Variants in BBS9 observed in about 807,000 individuals in gnomAD.
The protein encoded by BBS9 is protein PTHB1.
A neutral mutation model predicts 117.7 loss-of-function variants in BBS9; 89 were observed. The ratio of observed to expected loss-of-function variants is 0.76; its 90% CI spans 0.64 to 0.90. The LOEUF is 0.90. BBS9 is among the 40% of genes least tolerant of loss of function. BBS9 has a pLI of 0.00. For missense variants in BBS9, 982 were observed against 1,042.2 expected (o/e 0.94, Z 0.80); for synonymous variants, 379 against 370.9 (o/e 1.02, Z -0.25).
At chr7:33,386,549 G>T (rs1400947915) in intron 18 of BBS9, among the ~76,000 whole-genome samples, 1 of 151,742 alleles carries the variant, frequency 6.6e-6, no homozygotes, top group Non-Finnish European at 1.5e-5. Context: ...GGGGTGCAGT[G>T]GCACGATCTC....
chr7:33,138,410 A>G (rs1790896240), intron 1 of BBS9, among the ~76,000 whole-genome samples: 1 of 151,294 alleles, frequency 6.6e-6, no homozygotes. Flanking sequence ...TATCAGTTAC[A>G]TCAGTGCCTC....
intron 21 of BBS9, among the ~76,000 whole-genome samples, chr7:33,539,154 G>A (rs1206797844): frequency 1.3e-5 from 2 of 152,168 alleles, no homozygotes; most frequent in East Asian, 1.9e-4. Context: ...AGATTATACA[G>A]GTGTGAGTTT....
chr7:33,545,281 G>A (rs572933345), intron 21 of BBS9, among the ~76,000 whole-genome samples: 3 of 152,208 alleles, frequency 2.0e-5, no homozygotes, highest in Admixed American at 1.3e-4. Flanking sequence ...TTCTCCCTGT[G>A]GAGTTTTACC....
intron 18 of BBS9, among the ~76,000 whole-genome samples, chr7:33,386,016 G>C (rs1825940062): frequency 6.6e-6 from 1 of 152,056 alleles, no homozygotes; most frequent in Non-Finnish European, 1.5e-5. Flanking sequence ...AGCATTAGGA[G>C]ATATACCTAA....
intron 21 of BBS9, among the ~76,000 whole-genome samples, chr7:33,583,595 A>G (rs1473578752): frequency 6.6e-6 from 1 of 152,118 alleles, no homozygotes; most frequent in Non-Finnish European, 1.5e-5. Flanking sequence ...CTGGTACAGG[A>G]GATACACAAA....
chr7:33,533,893 C>T, intron 20 of BBS9, 61 bp from the exon 21 acceptor site: 1 of 1,545,706 alleles, frequency 6.5e-7, no homozygotes, highest in Non-Finnish European at 8.9e-7. Flanking sequence ...TATAATACAT[C>T]AAGTGCCCAC....
chr7:33,233,740 A>AGG (rs754573170), intron 5 of BBS9, among the ~76,000 whole-genome samples: 1 of 152,112 alleles, frequency 6.6e-6, no homozygotes, highest in East Asian at 1.9e-4. Flanking sequence ...CTTTTGATAA[A>AGG]GGCTTTTAAC....
chr7:33,302,631 T>C (rs1806733146), intron 9 of BBS9, among the ~76,000 whole-genome samples: 1 of 152,200 alleles, frequency 6.6e-6, no homozygotes, highest in Admixed American at 6.5e-5. Flanking sequence ...GTTCCATTGG[T>C]CTTTGTGTCT....
chr7:33,198,476 GA>G (rs2128206418), intron 5 of BBS9, among the ~76,000 whole-genome samples: 2 of 151,940 alleles, frequency 1.3e-5, no homozygotes, highest in Admixed American at 1.3e-4. Flanking sequence ...TATGTAAAAA[GA>G]AAAGGAAAAT....
intron 5 of BBS9, among the ~76,000 whole-genome samples, chr7:33,246,966 TG>T (rs1795432826): frequency 6.6e-6 from 1 of 152,172 alleles, no homozygotes; most frequent in South Asian, 2.1e-4. Flanking sequence ...GAAAATCATT[TG>T]AACAGCCAAC....
chr7:33,587,006 C>A (rs1861012304), intron 21 of BBS9, among the ~76,000 whole-genome samples: 1 of 151,984 alleles, frequency 6.6e-6, no homozygotes. Context: ...ACACAATATA[C>A]CCCTTCCAAA....
At chr7:33,582,606 C>T (rs1389106105) in intron 21 of BBS9, among the ~76,000 whole-genome samples, 1 of 152,044 alleles carries the variant, frequency 6.6e-6, no homozygotes, top group Non-Finnish European at 1.5e-5. Context: ...CATTTCTGGA[C>T]ACTTTTGCCC....
At chr7:33,311,863 C>T (rs970231792) in intron 9 of BBS9, among the ~76,000 whole-genome samples, 1 of 151,844 alleles carries the variant, frequency 6.6e-6, no homozygotes, top group South Asian at 2.1e-4. Context: ...GGCATAAAAG[C>T]AATGGCTATT....
At chr7:33,165,474 C>T (rs1184642682) in intron 4 of BBS9, among the ~76,000 whole-genome samples, 6 of 151,964 alleles carry the variant, frequency 3.9e-5, no homozygotes, top group Non-Finnish European at 7.4e-5. Flanking sequence ...ACCAGTCAAA[C>T]GTAGATTTGG....
At chr7:33,377,966 T>G (rs1479694498) in intron 17 of BBS9, among the ~76,000 whole-genome samples, 2 of 152,200 alleles carry the variant, frequency 1.3e-5, no homozygotes, top group African/African-American at 4.8e-5. Flanking sequence ...AAAATAGTAC[T>G]GTAGTATTAT....
chr7:33,428,480 TA>T (rs1364221208), intron 19 of BBS9, among the ~76,000 whole-genome samples: 1 of 152,074 alleles, frequency 6.6e-6, no homozygotes, highest in Non-Finnish European at 1.5e-5. Flanking sequence ...CAGTCCAAAG[TA>T]AAGGGAGTAT....
intron 21 of BBS9, among the ~76,000 whole-genome samples, chr7:33,553,191 G>A (rs551903479): frequency 6.6e-6 from 1 of 152,134 alleles, no homozygotes; most frequent in Non-Finnish European, 1.5e-5. Context: ...TCTCACTCAT[G>A]GTCTCTTGGA....
chr7:33,161,125 CTT>C (rs35467517), intron 4 of BBS9, among the ~76,000 whole-genome samples: 2 of 150,426 alleles, frequency 1.3e-5, no homozygotes, highest in East Asian at 3.9e-4. Context: ...CTAATTAATA[CTT>C]TTTTTTTTAT....
chr7:33,565,809 A>AC (rs1351996116), intron 21 of BBS9, among the ~76,000 whole-genome samples: 19 of 49,488 alleles, frequency 3.8e-4, no homozygotes, highest in African/African-American at 3.6e-3. Context: ...ATATATATAT[A>AC]TATATATATA....
Sources: allele counts gnomAD v4.1 joint callset (sites outside exome capture counted in the v4.1 genomes callset), GRCh38; gene constraint gnomAD v4.1.1; transcripts MANE v1.5; gene names NCBI Gene and HGNC (gene_info 2026-07-23, HGNC 2026-07-21).